Variants in GLI2 observed in about 807,000 individuals in gnomAD.
The protein encoded by GLI2 is GLI family zinc finger 2, also known as transcription activator GLI2.
A neutral mutation model predicts 78.9 loss-of-function variants in GLI2; 22 were observed. The observed-to-expected ratio is 0.28, with a 90% CI of 0.20 to 0.40. The LOEUF (loss-of-function observed/expected upper bound fraction) is 0.40. Among genes scored for constraint, GLI2 ranks in the 10% least tolerant of loss-of-function variants. The pLI, the probability that GLI2 is intolerant of heterozygous loss-of-function variation, is 1.00. For synonymous variants in GLI2, 974 were observed against 963.7 expected (o/e 1.01, Z -0.20); for missense variants, 2,097 against 2,213.2 (o/e 0.95, Z 1.05).
In GLI2 at chr2:120,927,361, T is replaced by G; in HGVS notation, c.149T>G (p.Val50Gly). 1 of 1,609,568 alleles carries G rather than the reference T, an allele frequency of 6.2e-7. No homozygotes were observed. Residue 50 changes from valine to glycine, a missense_variant and splice_region_variant, in exon 3 of 14, where the codon GTG becomes GGG. Physicochemically the swap from Val to Gly is moderately radical, Grantham distance 109. Coordinates refer to ENST00000361492, the MANE Select transcript of GLI2 (RefSeq NM_001374353.1). ...CTTGTTTCTCTCTCCCCCTCTGCAG[T>G]GCCGCAGCATCTCTTGCCACCATTC... ...AAAAAVAAQG[V>G]PQHLLPPFHA...
chr2:120,952,672 T>C (rs1176991697), intron 4 of GLI2, among the ~76,000 whole-genome samples: 2 of 152,174 alleles, frequency 1.3e-5, no homozygotes, highest in African/African-American at 4.8e-5. Flanking sequence ...CATTCTGAAA[T>C]GGCCCCTCAA....
chr2:120,795,734 A>C (rs1171249167), intron 1 of GLI2, among the ~76,000 whole-genome samples: 1 of 151,952 alleles, frequency 6.6e-6, no homozygotes, highest in Non-Finnish European at 1.5e-5. Context: ...AATGCCAGCT[A>C]TCTTCCCCAC....
At chr2:120,857,343 G>GCCCCCCCCCCCACCGA (rs1553457437) in intron 2 of GLI2, among the ~76,000 whole-genome samples, 1 of 99,624 alleles carries the variant, frequency 1.0e-5, no homozygotes, top group Non-Finnish European at 2.0e-5. Flanking sequence ...CTACCCATCT[G>GCCCCCCCCCCCACCGA]CCCACCCACC....
At chr2:120,987,802 G>A (rs1404247812) in intron 13 of GLI2, among the ~76,000 whole-genome samples, 1 of 152,202 alleles carries the variant, frequency 6.6e-6, no homozygotes, top group East Asian at 1.9e-4. Context: ...CCAGAGAAAG[G>A]AGAATTCAAG....
chr2:120,818,231 A>G (rs1414495774), intron 2 of GLI2, among the ~76,000 whole-genome samples: 2 of 152,202 alleles, frequency 1.3e-5, no homozygotes, highest in African/African-American at 4.8e-5. Context: ...CCTGCAGGGC[A>G]GGGGTGTGGA....
chr2:120,863,438 A>G (rs1687990669), intron 2 of GLI2, among the ~76,000 whole-genome samples: 1 of 152,256 alleles, frequency 6.6e-6, no homozygotes, highest in African/African-American at 2.4e-5. Flanking sequence ...CTCTCCTGCT[A>G]TGATGAGAGC....
At chr2:120,971,434 C>A (rs913116618) in intron 7 of GLI2, among the ~76,000 whole-genome samples, 1 of 152,242 alleles carries the variant, frequency 6.6e-6, no homozygotes, top group Non-Finnish European at 1.5e-5. Context: ...CCAGAATGTC[C>A]TCCCTCTCCA....
At chr2:120,851,111 A>G (rs898914539) in intron 2 of GLI2, among the ~76,000 whole-genome samples, 1 of 152,168 alleles carries the variant, frequency 6.6e-6, no homozygotes, top group Non-Finnish European at 1.5e-5. Flanking sequence ...TGTAAAAATC[A>G]TATGCAGGAT....
chr2:120,857,677 C>T (rs967947211), intron 2 of GLI2, among the ~76,000 whole-genome samples: 8 of 152,164 alleles, frequency 5.3e-5, no homozygotes, highest in Non-Finnish European at 1.0e-4. Context: ...CAGGCCACCC[C>T]GCTATCCAAT....
intron 8 of GLI2, among the ~76,000 whole-genome samples, chr2:120,972,944 G>A (rs190522619): frequency 2.2e-3 from 332 of 152,238 alleles, no homozygotes; most frequent in African/African-American, 7.2e-3. Flanking sequence ...CGTGCCTGTT[G>A]ACCTGGTAAG....
At chr2:120,908,147 TTA>T (rs926635895) in intron 2 of GLI2, among the ~76,000 whole-genome samples, 7 of 152,160 alleles carry the variant, frequency 4.6e-5, no homozygotes, top group Non-Finnish European at 1.0e-4. Flanking sequence ...GTGGGGACTC[TTA>T]TAGCAGAGGA....
chr2:120,858,952 C>T (rs1454475524), intron 2 of GLI2, among the ~76,000 whole-genome samples: 2 of 152,216 alleles, frequency 1.3e-5, no homozygotes, highest in Admixed American at 1.3e-4. Flanking sequence ...CAGGCTTGGG[C>T]AGGACCGGAG....
At chr2:120,778,126 C>T (rs1401821450) in intron 1 of GLI2, among the ~76,000 whole-genome samples, 11 of 152,152 alleles carry the variant, frequency 7.2e-5, no homozygotes, top group Non-Finnish European at 1.5e-4. Flanking sequence ...AACAGAGCTG[C>T]TGCCACCTAA....
chr2:120,741,701 T>G (rs1682549493), intron 1 of GLI2, among the ~76,000 whole-genome samples: 1 of 151,988 alleles, frequency 6.6e-6, no homozygotes, highest in South Asian at 2.1e-4. Flanking sequence ...AGGCCGCGTG[T>G]CCGAGCGGCG....
In GLI2 at chr2:120,874,720, C is replaced by T. The variant is rs542282188; in HGVS notation, c.149-52641C>T. Among the ~76,000 whole-genome samples the T allele has an allele frequency of 1.2e-4, 18 of 152,336 alleles. No homozygotes were observed. The South Asian group carries it at 2.7e-3, about 23-fold the overall frequency. ...GGAGGACGCAGGCAGCTCAGAAAGA[C>T]GCCTCGGCAGCATGCTGACTAGTTT... is the stretch of plus-strand genomic sequence containing the variant. On this transcript the variant is annotated intron_variant, in intron 2 of 13. Transcript: ENST00000361492.
rs192880790 is a variant in GLI2, at chr2:120,793,219, C to G, written c.-30-4072C>G. ...GGGTCCCGGGTGCCCGCTCCCACCC[C>G]CTTAGCAGAATTTTGGAGAGTGTGG... On this transcript the variant is annotated intron_variant, in intron 1 of 13. Coordinates refer to ENST00000361492, the MANE Select transcript of GLI2 (RefSeq NM_001374353.1). 5.0e-3 allele frequency among the ~76,000 whole-genome samples: 768 copies of G among 152,352 alleles called. 3 individuals are homozygous for G. The highest frequency in any genetic ancestry group is 0.017 in the Middle Eastern group (5 of 294).
At chr2:120,746,015 G>T (rs1227311251) in intron 1 of GLI2, among the ~76,000 whole-genome samples, 1 of 152,216 alleles carries the variant, frequency 6.6e-6, no homozygotes, top group Non-Finnish European at 1.5e-5. Flanking sequence ...ACATCCTTCT[G>T]CAGGTGCAAC....
Position 120,982,943 on chromosome 2 carries a change from C to T in GLI2, c.1632+63C>T, listed in dbSNP as rs1682784331. On this transcript the variant is annotated intron_variant, in intron 11 of 13. Transcript: ENST00000361492. Reference sequence around the variant, plus strand: ...GGCCCCACTGACGCCCCATGGCTTCCAGGCATCTGTAGTCCAGTAGATAGC... The same window carrying T: ...GGCCCCACTGACGCCCCATGGCTTCTAGGCATCTGTAGTCCAGTAGATAGC... The T allele has an allele frequency of 4.6e-6, 7 of 1,529,142 alleles. No homozygotes were observed. The Admixed American group carries it at 8.5e-5, about 19-fold the overall frequency. 94.7% of individuals were successfully genotyped at this position (1,529,142 alleles called of 1,614,324 possible). A position where few individuals can be genotyped will look rare whatever the true frequency, so the allele number is the denominator to read the frequency against.
At chr2:120,980,102 A>G (rs1023609800) in intron 10 of GLI2, among the ~76,000 whole-genome samples, 19 of 152,320 alleles carry the variant, frequency 1.2e-4, no homozygotes, top group Middle Eastern at 6.8e-3. Context: ...GCTGCTATGA[A>G]CATGTGCGTT....
Sources: gnomAD v4.1 joint callset for allele counts (sites outside exome capture counted in the v4.1 genomes callset) on GRCh38, gnomAD v4.1.1 for gene constraint, MANE v1.5 for transcripts, NCBI Gene and HGNC (gene_info 2026-07-23, HGNC 2026-07-21) for gene names.